SSX5: variants seen among roughly 807,000 people sequenced by gnomAD.
SSX5 encodes the protein protein SSX5.
SSX5 carries 14 observed loss-of-function variants against 14.9 expected under a neutral mutation model. The observed-to-expected ratio is 0.94, with a 90% CI of 0.62 to 1.47. SSX5 has a LOEUF of 1.47. SSX5 is among the 40% of genes most tolerant of loss of function. SSX5 has a pLI of 0.00. For synonymous variants in SSX5, 70 were observed against 55.4 expected (o/e 1.26, Z -1.17); for missense variants, 204 against 154.6 (o/e 1.32, Z -1.70).
rs781880821 is a variant in SSX5 at position 48,194,796 on chromosome X, G to T, written c.128C>A (p.Ser43Ter). The T allele has an allele frequency of 8.3e-7, 1 of 1,208,538 alleles. No individual in the cohort carries two copies. Among genetic ancestry groups the T allele is most frequent in the Non-Finnish European group, 1.1e-6 (1 of 894,635 alleles). The change falls in exon 3 of 8, where the codon TCG (serine) becomes TAG (stop). Residue 43 changes from serine to a stop codon, truncating the protein, a stop_gained. Transcript: ENST00000347757. LOFTEE classifies it high-confidence loss of function. Reference sequence around the variant, plus strand: ...CATATACACATAGATGATTTTCTCCGAGGCTTTCATCTTTTCCCACTCTTT... The same window carrying T: ...CATATACACATAGATGATTTTCTCCTAGGCTTTCATCTTTTCCCACTCTTT... ...SEKEWEKMKA[S>*]EKIIYVYMKR... is the part of the protein sequence containing the mutation.
intron 3 of SSX5, 81 bp downstream of exon 3, chrX:48,194,659 C>T: frequency 9.5e-7 from 1 of 1,055,551 alleles, no homozygotes. Flanking sequence ...GGGGTACTTT[C>T]TGCAGCCTAA....
chrX:48,189,528 G>A (rs1222813429), intron 6 of SSX5, among the ~76,000 whole-genome samples: 3 of 112,133 alleles, frequency 2.7e-5, no homozygotes, highest in Admixed American at 9.5e-5. Context: ...CACTGAAGTC[G>A]CAGAAGATTA....
At position 48,195,342 on chromosome X, in the gene SSX5, G is replaced by T; in HGVS notation, c.17C>A (p.Ala6Asp). Residue 6 changes from alanine (A) to aspartate (D), a missense_variant, in exon 2 of 8, where the codon GCC becomes GAC. Ala to Asp is a moderately radical substitution (Grantham distance 126). Coordinates refer to ENST00000347757, the MANE Select transcript of SSX5 (RefSeq NM_175723.2). MNGDD[A>D]FVRRPRVGSQ... The stretch of plus-strand genomic sequence containing the variant: ...ACCAACCCTAGGTCTCCGTACAAAG[G>T]CATCGTCTCCGTTCATGGCACCGGG... 8.3e-7 allele frequency: 1 copy of T among 1,211,592 alleles called. No homozygotes were observed. The highest frequency in any genetic ancestry group is 1.1e-6 in the Non-Finnish European group (1 of 895,381).
chrX:48,191,316 A>C (rs1383242963), intron 5 of SSX5, among the ~76,000 whole-genome samples: 3 of 111,880 alleles, frequency 2.7e-5, no homozygotes, highest in Non-Finnish European at 5.6e-5. Flanking sequence ...TGTAGTAATA[A>C]TAACAATTAA....
chrX:48,193,408 C>T (rs1335213952), intron 4 of SSX5, among the ~76,000 whole-genome samples: 1 of 111,219 alleles, frequency 9.0e-6, no homozygotes, highest in African/African-American at 3.3e-5. Context: ...CTCAACATTA[C>T]CCCACAGCTA....
At chrX:48,192,883 T>C (rs2059425535) in intron 4 of SSX5, among the ~76,000 whole-genome samples, 1 of 112,397 alleles carries the variant, frequency 8.9e-6, no homozygotes, top group African/African-American at 3.2e-5. Flanking sequence ...CCTTGTCTTA[T>C]AATTGTGTTG....
intron 6 of SSX5, among the ~76,000 whole-genome samples, chrX:48,187,947 T>C (rs2059405314): frequency 8.9e-6 from 1 of 112,354 alleles, no homozygotes; most frequent in Non-Finnish European, 1.9e-5. Flanking sequence ...ATTAAAGTTT[T>C]AGCTTCTGGC....
chrX:48,188,002 G>GA (rs2059405574), intron 6 of SSX5, among the ~76,000 whole-genome samples: 1 of 111,978 alleles, frequency 8.9e-6, no homozygotes, highest in Non-Finnish European at 1.9e-5. Context: ...TCACTTACGG[G>GA]AACATTCACC....
At chrX:48,193,471 G>A (rs781843116) in intron 4 of SSX5, among the ~76,000 whole-genome samples, 1 of 111,388 alleles carries the variant, frequency 9.0e-6, no homozygotes, top group African/African-American at 3.3e-5. Context: ...AAACAGGCTG[G>A]GCGTGGTAAC....
intron 6 of SSX5, among the ~76,000 whole-genome samples, chrX:48,188,424 C>T (rs1309800724): frequency 8.9e-6 from 1 of 112,174 alleles, no homozygotes; most frequent in Non-Finnish European, 1.9e-5. Flanking sequence ...TCATACTGCA[C>T]AATTAAGTTA....
At position 48,186,835 on chromosome X, in the gene SSX5, G is replaced by C. The variant is rs1327029255; in HGVS notation, c.*26C>G. ...TCACCACGTTCTGCTTCTCATCATG[G>C]GCATGTGTCATATCCCCGAGGCTGA... On this transcript the variant is annotated 3_prime_UTR_variant, in exon 8 of 8. Transcript: ENST00000347757. 8.4e-6 allele frequency: 10 copies of C among 1,196,187 alleles called. No individual in the cohort carries two copies. In the Admixed American group the frequency reaches 2.2e-4, roughly 26 times the overall value.
chrX:48,194,900 T>G, intron 2 of SSX5, 46 bp from the exon 3 acceptor site: 1 of 1,204,921 alleles, frequency 8.3e-7, no homozygotes, highest in Non-Finnish European at 1.1e-6. Flanking sequence ...GCTAGGCATG[T>G]CTGCCATTCA....
At chrX:48,190,338 A>G in intron 5 of SSX5, 70 bp from the exon 6 acceptor site, 5 of 1,089,447 alleles carry the variant, frequency 4.6e-6, no homozygotes, top group Non-Finnish European at 6.1e-6. Flanking sequence ...GCTTACAAAG[A>G]ATCTTCACAT....
In SSX5 at chrX:48,194,650, G is replaced by T. The variant is rs142024321; in HGVS notation, c.184+90C>A. 393 of 995,451 alleles carry T rather than the reference G, an allele frequency of 3.9e-4. No individual in the cohort carries two copies. In the African/African-American group the frequency reaches 6.7e-3, roughly 17 times the overall value. The allele number at this position is 995,451 out of a possible 1,213,427, so 82.0% of individuals were successfully genotyped here. ...TTTCCCTGCACAAAAGGAAAACGTG[G>T]GGTACTTTCTGCAGCCTAAGAAATA... On this transcript the variant is annotated intron_variant, in intron 3 of 7. Coordinates refer to ENST00000347757, the MANE Select transcript of SSX5 (RefSeq NM_175723.2).
chrX:48,191,428 C>A (rs1226417843), intron 5 of SSX5, among the ~76,000 whole-genome samples: 1 of 111,830 alleles, frequency 8.9e-6, no homozygotes, highest in East Asian at 2.8e-4. Flanking sequence ...CTTGTAGGGT[C>A]ACTAATTCAG....
At chrX:48,189,949 A>AT (rs1363284396) in intron 6 of SSX5, among the ~76,000 whole-genome samples, 184 bp downstream of exon 6, 6 of 111,926 alleles carry the variant, frequency 5.4e-5, no homozygotes, top group Non-Finnish European at 1.1e-4. Context: ...TGGTTTTTTT[A>AT]TATGAATGAC....
At chrX:48,191,125 G>A (rs1322477280) in intron 5 of SSX5, among the ~76,000 whole-genome samples, 3 of 109,393 alleles carry the variant, frequency 2.7e-5, no homozygotes, top group Non-Finnish European at 3.8e-5. Context: ...GGATGATCTC[G>A]ATCGCTTGAC....
At chrX:48,195,696 G>C (rs782069626) in intron 1 of SSX5, among the ~76,000 whole-genome samples, 7 of 111,350 alleles carry the variant, frequency 6.3e-5, no homozygotes, top group Non-Finnish European at 1.3e-4. Context: ...ACAGACCCTT[G>C]TTGGGAAGGC....
chrX:48,192,233 T>C lies in SSX5; in HGVS notation c.329A>G (p.Lys110Arg), dbSNP rs2059422883. 1 of 1,210,779 alleles carries C rather than the reference T, an allele frequency of 8.3e-7. No homozygotes were observed. Residue 110 changes from lysine (K) to arginine (R), a missense_variant and splice_region_variant, in exon 5 of 8, where the codon AAG becomes AGG. By Grantham distance (26) the Lys-to-Arg change is conservative. Coordinates refer to ENST00000347757, the MANE Select transcript of SSX5 (RefSeq NM_175723.2). The stretch of plus-strand genomic sequence containing the variant: ...CCTTTAGATTTGAGAGACACTCACC[T>C]TCGGGAAGATTCCCTGGAGCCTGCC... ...TFGRLQGIFP[K>R]ITPEKPAEEG...
Sources: allele counts gnomAD v4.1 joint callset (sites outside exome capture counted in the v4.1 genomes callset), GRCh38; gene constraint gnomAD v4.1.1; transcripts MANE v1.5; gene names NCBI Gene and HGNC (gene_info 2026-07-23, HGNC 2026-07-21).